Variants in RNF216 observed in about 807,000 individuals in gnomAD.
RNF216 encodes the protein ring finger protein 216.
RNF216 carries 72 observed loss-of-function variants against 110.8 expected under a neutral mutation model. That is an observed-to-expected ratio of 0.65 (90% CI 0.54 to 0.79). The LOEUF is 0.79. Ranked by LOEUF, RNF216 falls within the 30% of genes least tolerant of loss-of-function variation. RNF216 has a pLI of 0.00. For synonymous variants in RNF216, 495 were observed against 407.5 expected (o/e 1.21, Z -2.59); for missense variants, 1,342 against 1,141.2 (o/e 1.18, Z -2.54).
chr7:5,715,504 A>C (rs1792990848), intron 10 of RNF216, among the ~76,000 whole-genome samples: 1 of 152,120 alleles, frequency 6.6e-6, no homozygotes, highest in South Asian at 2.1e-4. Flanking sequence ...CTGTACTCAG[A>C]TGCTAATGTG....
intron 14 of RNF216, among the ~76,000 whole-genome samples, chr7:5,651,162 T>A (rs900679002): frequency 6.6e-6 from 1 of 152,074 alleles, no homozygotes; most frequent in East Asian, 1.9e-4. Context: ...GTGGCCACAA[T>A]CTAGTTACAA....
Position 5,638,028 on chromosome 7 carries a change from G to A in RNF216, c.2382+3126C>T, listed in dbSNP as rs549022179. ...GTAGTGGCTGCGCAGCAGCCCCCTTGGATGGGCCCCACACCCTCTCCTTTG... is the reference window on the plus strand; with the variant it reads ...GTAGTGGCTGCGCAGCAGCCCCCTTAGATGGGCCCCACACCCTCTCCTTTG... On this transcript the variant is annotated intron_variant, in intron 15 of 16. Transcript: ENST00000389902. 1.3e-4 allele frequency among the ~76,000 whole-genome samples: 20 copies of A among 152,218 alleles called. 2 individuals are homozygous for A. Among genetic ancestry groups the A allele is most frequent in the Admixed American group, 1.3e-3 (20 of 15,288 alleles).
intron 13 of RNF216, among the ~76,000 whole-genome samples, chr7:5,652,784 T>C (rs1463641046): frequency 6.6e-6 from 1 of 151,708 alleles, no homozygotes; most frequent in Non-Finnish European, 1.5e-5. Context: ...AGTGAGACCC[T>C]GTCCCTTAAA....
Position 5,774,759 on chromosome 7 carries a change from C to CTT in RNF216, c.-70+6780_-70+6781dup, listed in dbSNP as rs201172961. 7.2e-3 allele frequency among the ~76,000 whole-genome samples: 1,062 copies of CTT among 148,262 alleles called. 12 individuals carry two copies. The highest frequency in any genetic ancestry group is 0.025 in the African/African-American group (1,011 of 40,162). ...ATCTTTATTTTCCCATTCCAAGTTA[C>CTT]TTTTTTTTTTTTTATTGAGACGAAG... On this transcript the variant is annotated intron_variant, in intron 1 of 16. Coordinates refer to ENST00000389902, the MANE Select transcript of RNF216 (RefSeq NM_207111.4).
chr7:5,728,841 T>A (rs1431534433), intron 7 of RNF216, among the ~76,000 whole-genome samples: 1 of 152,192 alleles, frequency 6.6e-6, no homozygotes, highest in Non-Finnish European at 1.5e-5. Context: ...TGCTGGTGCG[T>A]GCGCTCCTGT....
intron 15 of RNF216, among the ~76,000 whole-genome samples, chr7:5,631,927 C>A (rs1787097450): frequency 6.6e-6 from 1 of 152,206 alleles, no homozygotes; most frequent in African/African-American, 2.4e-5. Flanking sequence ...AGCTCACACC[C>A]CCTTCTCCAC....
chr7:5,635,600 C>T (rs1787349994), intron 15 of RNF216, among the ~76,000 whole-genome samples: 1 of 152,152 alleles, frequency 6.6e-6, no homozygotes, highest in Non-Finnish European at 1.5e-5. Flanking sequence ...CCCAAAGGTC[C>T]CCAGGACTTT....
intron 3 of RNF216, among the ~76,000 whole-genome samples, chr7:5,749,867 G>C (rs1193739616): frequency 6.6e-6 from 1 of 152,158 alleles, no homozygotes; most frequent in Non-Finnish European, 1.5e-5. Context: ...ATTGATAAAA[G>C]AAGAATCATG....
intron 13 of RNF216, among the ~76,000 whole-genome samples, chr7:5,681,525 G>C (rs567217397): frequency 6.6e-6 from 1 of 152,232 alleles, no homozygotes. Context: ...CAAGCCTCTA[G>C]GGCTAGGCAG....
intron 5 of RNF216, among the ~76,000 whole-genome samples, chr7:5,735,197 C>T (rs1055799895): frequency 6.6e-6 from 1 of 152,046 alleles, no homozygotes; most frequent in African/African-American, 2.4e-5. Context: ...AACTTCAAGA[C>T]AGGAGTCTAA....
chr7:5,652,590 A>C (rs1788465023), intron 13 of RNF216, 80 bp from the exon 14 acceptor site: 2 of 905,002 alleles, frequency 2.2e-6, no homozygotes, highest in East Asian at 4.9e-5. Context: ...AAGGGATATG[A>C]AATGAGCTTT....
At chr7:5,637,359 C>A (rs1382474136) in intron 15 of RNF216, among the ~76,000 whole-genome samples, 1 of 152,180 alleles carries the variant, frequency 6.6e-6, no homozygotes, top group African/African-American at 2.4e-5. Flanking sequence ...GACAGGAGGG[C>A]AGGCTAGCTA....
chr7:5,626,738 C>A (rs1420665114), intron 15 of RNF216, among the ~76,000 whole-genome samples: 6 of 152,074 alleles, frequency 3.9e-5, no homozygotes, highest in African/African-American at 1.4e-4. Context: ...TGGGCCTACA[C>A]CTCTTAGCTA....
In RNF216 at chr7:5,752,121, G is replaced by T. The variant is rs1053981987; in HGVS notation, c.201+725C>A. On this transcript the variant is annotated intron_variant, in intron 3 of 16. Transcript: ENST00000389902. ...AATTGCTTGAAACCAGAAGGCGGAG[G>T]TTGCAGTGAGCCAAGATCGCGCCAC... 1.1e-3 allele frequency among the ~76,000 whole-genome samples: 160 copies of T among 151,926 alleles called. 13 individuals carry two copies. The highest frequency in any genetic ancestry group is 6.6e-5 in the Admixed American group (1 of 15,228).
At chr7:5,727,048 GGGGCTCATGTCCTGT>G (rs1427881260) in intron 7 of RNF216, among the ~76,000 whole-genome samples, 2 of 152,260 alleles carry the variant, frequency 1.3e-5, no homozygotes, top group East Asian at 3.9e-4. Context: ...AGGAGGCCTT[GGGGCTCATGTCCTGT>G]GGCTACGCTG....
At chr7:5,640,686 CCAT>C (rs1484845222) in intron 15 of RNF216, among the ~76,000 whole-genome samples, 6 of 148,174 alleles carry the variant, frequency 4.0e-5, no homozygotes, top group African/African-American at 1.6e-4. Context: ...TAATATTAAA[CCAT>C]CATTGCATTT....
chr7:5,652,296 C>T (rs973349855), intron 14 of RNF216, 117 bp downstream of exon 14: 4 of 732,532 alleles, frequency 5.5e-6, no homozygotes, highest in Non-Finnish European at 9.8e-6. Context: ...CAAGATCACT[C>T]CAGACTGGGG....
chr7:5,667,468 G>A (rs537432406), intron 13 of RNF216, among the ~76,000 whole-genome samples: 33 of 152,326 alleles, frequency 2.2e-4, no homozygotes, highest in Non-Finnish European at 4.1e-4. Flanking sequence ...TACCCTGGAG[G>A]TGACTCTGCT....
intron 2 of RNF216, among the ~76,000 whole-genome samples, chr7:5,754,614 A>C (rs1483952955): frequency 2.0e-5 from 3 of 152,214 alleles, no homozygotes; most frequent in Non-Finnish European, 4.4e-5. Flanking sequence ...AAGAGAGAAA[A>C]TGTACACCAC....
Sources: gnomAD v4.1 joint callset for allele counts (sites outside exome capture counted in the v4.1 genomes callset) on GRCh38, gnomAD v4.1.1 for gene constraint, MANE v1.5 for transcripts, NCBI Gene and HGNC (gene_info 2026-07-23, HGNC 2026-07-21) for gene names.